The following DYM variants were observed in gnomAD, a reference collection of about 807,000 sequenced individuals.
DYM encodes the protein dyggve-Melchior-Clausen syndrome protein.
A neutral mutation model predicts 93.1 loss-of-function variants in DYM; 78 were observed. That is an observed-to-expected ratio of 0.84 (90% CI 0.70 to 1.01). The LOEUF (loss-of-function observed/expected upper bound fraction) is 1.01, where lower values mean the gene tolerates loss of function less well. DYM is among the 50% of genes least tolerant of loss of function. The pLI is 0.00. For missense variants in DYM, 789 were observed against 845.0 expected, an observed-to-expected ratio of 0.93 and a Z score of 0.82; for synonymous variants, 321 against 319.7, an observed-to-expected ratio of 1.00 and a Z score of -0.04.
chr18:49,286,512 C>T lies in DYM; in HGVS notation c.868G>A (p.Val290Met), dbSNP rs750398385. Residue 290 changes from valine (V) to methionine (M), a missense_variant, in exon 9 of 18, where the codon GTG becomes ATG. By Grantham distance (21) the Val-to-Met change is conservative. Coordinates refer to ENST00000675505, the MANE Select transcript of DYM (RefSeq NM_001353214.3). ...LANQSLLLLL[V>M]LANLTDASDA... Reference sequence around the variant, plus strand: ...GAGGCATCTGTCAGATTGGCCAACACCAGCAGAAGCAGGAGACTCTGGTTG... The same window carrying T: ...GAGGCATCTGTCAGATTGGCCAACATCAGCAGAAGCAGGAGACTCTGGTTG... The T allele has an allele frequency of 1.4e-5, 22 of 1,614,012 alleles. No homozygotes were observed. Among genetic ancestry groups the T allele is most frequent in the Non-Finnish European group, 1.9e-5 (22 of 1,180,002 alleles).
At chr18:49,417,837 A>T (rs1410877556) in intron 2 of DYM, 1 of 152,134 alleles carries the variant, frequency 6.6e-6, no homozygotes, top group Non-Finnish European at 1.5e-5. Context: ...GAGGCAAGCG[A>T]ATCACCTGAG....
chr18:49,458,950 T>C (rs367544106), intron 1 of DYM, among the ~76,000 whole-genome samples: 23 of 152,356 alleles, frequency 1.5e-4, no homozygotes, highest in Admixed American at 6.5e-4. Context: ...TGAGTGGGGA[T>C]AGGAATGCAT....
rs1162537268 is a variant in DYM at position 49,163,722 on chromosome 18, C to T, written c.1691G>A (p.Gly564Asp). ...AGGAACATCATTAGAACTCAGCGAA[C>T]CTCTCAAGGACTGTGTGGCTTGTTC... ...VLEQATQSLR[G>D]SLSSNDVPLP... Residue 564 changes from glycine to aspartate, a missense_variant, in exon 15 of 18, where the codon GGT becomes GAT. Physicochemically the swap from Gly to Asp is moderately conservative, Grantham distance 94. Coordinates refer to ENST00000675505, the MANE Select transcript of DYM (RefSeq NM_001353214.3). The T allele has an allele frequency of 6.2e-7, 1 of 1,612,794 alleles. No individual in the cohort carries two copies. The highest frequency in any genetic ancestry group is 2.2e-5 in the East Asian group (1 of 44,788).
At chr18:49,334,817 T>C (rs1279133404) in intron 6 of DYM, among the ~76,000 whole-genome samples, 2 of 152,138 alleles carry the variant, frequency 1.3e-5, no homozygotes, top group Non-Finnish European at 2.9e-5. Flanking sequence ...TAGAAATATG[T>C]TTAAAAGGCC....
intron 5 of DYM, among the ~76,000 whole-genome samples, chr18:49,370,052 G>A (rs1016249696): frequency 1.3e-5 from 2 of 152,112 alleles, no homozygotes; most frequent in Non-Finnish European, 2.9e-5. Flanking sequence ...CGAGATGGGC[G>A]GACCACTTGA....
At chr18:49,272,117 C>A in intron 11 of DYM, 61 bp downstream of exon 11, 1 of 1,496,880 alleles carries the variant, frequency 6.7e-7, no homozygotes, top group Admixed American at 1.7e-5. Context: ...ACTAGTAAAT[C>A]TTACGTAGGG....
At chr18:49,214,277 G>A (rs2092928322) in intron 13 of DYM, among the ~76,000 whole-genome samples, 1 of 152,180 alleles carries the variant, frequency 6.6e-6, no homozygotes, top group Non-Finnish European at 1.5e-5. Context: ...TACCACCTGA[G>A]CTCCGCCTCC....
At chr18:49,203,892 A>AC (rs2092318144) in intron 14 of DYM, among the ~76,000 whole-genome samples, 1 of 140,424 alleles carries the variant, frequency 7.1e-6, no homozygotes, top group African/African-American at 2.7e-5. Flanking sequence ...AAAAAAAAAA[A>AC]AAAAAACAAC....
At position 49,387,167 on chromosome 18, in the gene DYM, G is replaced by A. The variant is rs181940678; in HGVS notation, c.193+4426C>T. ...TGCTCCTGGACTCAAGAATCCTCCC[G>A]CCTTGGCCTCCCAAAGTGCTGGGAT... On this transcript the variant is annotated intron_variant, in intron 3 of 17. Transcript: ENST00000675505. Among the ~76,000 whole-genome samples the A allele has an allele frequency of 3.0e-3, 459 of 151,908 alleles. 3 individuals carry two copies. The highest frequency in any genetic ancestry group is 4.9e-3 in the Non-Finnish European group (334 of 67,918).
chr18:49,236,199 G>A (rs1264332178), intron 13 of DYM, among the ~76,000 whole-genome samples: 2 of 152,124 alleles, frequency 1.3e-5, no homozygotes, highest in African/African-American at 4.8e-5. Flanking sequence ...TATGTAAATA[G>A]GCCAGGCACA....
intron 8 of DYM, among the ~76,000 whole-genome samples, chr18:49,314,981 G>A (rs903500676): frequency 2.0e-5 from 3 of 152,112 alleles, no homozygotes; most frequent in Non-Finnish European, 4.4e-5. Flanking sequence ...TTGGGAGGCC[G>A]AGGCAGGTGG....
At chr18:49,270,984 C>T (rs185346732) in intron 11 of DYM, among the ~76,000 whole-genome samples, 1 of 152,236 alleles carries the variant, frequency 6.6e-6, no homozygotes, top group East Asian at 1.9e-4. Flanking sequence ...CCTGCAGGGA[C>T]ACAGTCCCAG....
intron 16 of DYM, among the ~76,000 whole-genome samples, chr18:49,104,411 C>T (rs1181941485): frequency 1.3e-5 from 2 of 152,048 alleles, no homozygotes; most frequent in African/African-American, 4.8e-5. Context: ...TATTTCCTTC[C>T]CCTGCCTGAT....
intron 1 of DYM, among the ~76,000 whole-genome samples, chr18:49,441,389 C>T (rs1197264420): frequency 9.0e-6 from 1 of 110,832 alleles, no homozygotes; most frequent in African/African-American, 3.5e-5. Flanking sequence ...TGTACAAACA[C>T]ACATATATGC....
At chr18:49,336,283 T>C (rs1370352162) in intron 6 of DYM, among the ~76,000 whole-genome samples, 2 of 152,196 alleles carry the variant, frequency 1.3e-5, no homozygotes, top group Non-Finnish European at 2.9e-5. Flanking sequence ...CTAATAACCT[T>C]AGGGAAAGAA....
chr18:49,421,182 A>C (rs1394906972), intron 2 of DYM, among the ~76,000 whole-genome samples: 1 of 152,158 alleles, frequency 6.6e-6, no homozygotes, highest in African/African-American at 2.4e-5. Context: ...GAGATCTGAG[A>C]ATGGACAGAC....
chr18:49,331,675 A>AT (rs140964057), intron 8 of DYM, among the ~76,000 whole-genome samples, 189 bp downstream of exon 8: 177 of 152,350 alleles, frequency 1.2e-3, no homozygotes, highest in African/African-American at 4.0e-3. Context: ...CATTATTTGC[A>AT]TACATTTTAC....
intron 10 of DYM, among the ~76,000 whole-genome samples, chr18:49,278,700 T>C (rs1002076793): frequency 6.6e-6 from 1 of 152,030 alleles, no homozygotes; most frequent in Non-Finnish European, 1.5e-5. Flanking sequence ...GCCACCTGCC[T>C]CCCCACTTGG....
intron 6 of DYM, among the ~76,000 whole-genome samples, chr18:49,344,224 A>G (rs1454715878): frequency 6.6e-6 from 1 of 152,148 alleles, no homozygotes; most frequent in Non-Finnish European, 1.5e-5. Context: ...TAAGAAATAC[A>G]TTTTAAAGAA....
Sources: allele counts gnomAD v4.1 joint callset (sites outside exome capture counted in the v4.1 genomes callset), GRCh38; gene constraint gnomAD v4.1.1; transcripts MANE v1.5; gene names NCBI Gene and HGNC (gene_info 2026-07-23, HGNC 2026-07-21).